Variants in LAMA2 observed in about 807,000 individuals in gnomAD.
LAMA2 encodes the protein laminin subunit alpha-2.
In LAMA2, 269 loss-of-function variants were observed where a neutral mutation model predicts 364.8. The observed-to-expected ratio is 0.74, with a 90% CI of 0.67 to 0.82. LAMA2 has a LOEUF of 0.82. Among genes scored for constraint, LAMA2 ranks in the 40% least tolerant of loss-of-function variants. LAMA2 has a pLI of 0.00. For synonymous variants in LAMA2, 1,379 were observed against 1,370.6 expected, an observed-to-expected ratio of 1.01 and a Z score of -0.14; for missense variants, 3,807 against 3,873.2, an observed-to-expected ratio of 0.98 and a Z score of 0.45.
chr6:129,415,673 C>T (rs1780748341), intron 40 of LAMA2, among the ~76,000 whole-genome samples: 1 of 151,816 alleles, frequency 6.6e-6, no homozygotes. Flanking sequence ...TGGCGAAACC[C>T]CATCTCTACT....
chr6:128,954,993 A>T, intron 1 of LAMA2, among the ~76,000 whole-genome samples: 1 of 150,144 alleles, frequency 6.7e-6, no homozygotes, highest in East Asian at 1.9e-4. Context: ...AAAAAAAAAA[A>T]TAATAAGAAT....
chr6:129,014,219 T>A (rs2114701449), intron 1 of LAMA2, among the ~76,000 whole-genome samples: 1 of 152,316 alleles, frequency 6.6e-6, no homozygotes, highest in South Asian at 2.1e-4. Flanking sequence ...ACTATTGATT[T>A]AATATTTGGA....
At chr6:128,996,334 G>A (rs2114670949) in intron 1 of LAMA2, among the ~76,000 whole-genome samples, 2 of 152,218 alleles carry the variant, frequency 1.3e-5, no homozygotes, top group African/African-American at 4.8e-5. Flanking sequence ...TATCATCAGA[G>A]TAACAGGCAA....
At chr6:129,311,101 A>G (rs971389052) in intron 22 of LAMA2, among the ~76,000 whole-genome samples, 2 of 152,060 alleles carry the variant, frequency 1.3e-5, no homozygotes, top group African/African-American at 4.8e-5. Flanking sequence ...CCCGTGCTAA[A>G]TAATACAAAA....
Position 129,460,262 on chromosome 6 carries a change from C to A in LAMA2, c.6930C>A (p.Asn2310Lys). ...GCATGGGAGAAACATACTTTGACAA[C>A]AAACCTATAGGTTTGTGGAATTTCC... Reference protein sequence around the residue: ...TGCMGETYFDNKPIGLWNFRE... With the variant: ...TGCMGETYFDKKPIGLWNFRE... Residue 2310 changes from asparagine (N) to lysine (K), a missense_variant, in exon 49 of 65, where the codon AAC (asparagine) becomes AAA (lysine). Around this residue, in one of 3 missense-constraint regions of LAMA2, gnomAD observed 3,333 missense variants for 3,345.7 expected, o/e 1.00. Transcript: ENST00000421865. The A allele has an allele frequency of 6.2e-7, 1 of 1,612,016 alleles. No individual in the cohort carries two copies. Among genetic ancestry groups the A allele is most frequent in the Non-Finnish European group, 8.5e-7 (1 of 1,178,462 alleles).
At chr6:129,156,557 G>A (rs1779128224) in intron 8 of LAMA2, among the ~76,000 whole-genome samples, 2 of 149,524 alleles carry the variant, frequency 1.3e-5, no homozygotes, top group Admixed American at 6.7e-5. Context: ...CCTTTTAAAA[G>A]TTACTGAGAA....
At chr6:129,175,055 A>C (rs941410896) in intron 9 of LAMA2, among the ~76,000 whole-genome samples, 3 of 152,234 alleles carry the variant, frequency 2.0e-5, no homozygotes, top group African/African-American at 7.2e-5. Context: ...TGCCTTTGCA[A>C]ACTTTATTAA....
chr6:129,202,160 C>T (rs1048028268), intron 12 of LAMA2, among the ~76,000 whole-genome samples: 12 of 137,978 alleles, frequency 8.7e-5, no homozygotes, highest in African/African-American at 1.1e-4. Flanking sequence ...TGCACTCCAG[C>T]CTAAGCAACA....
At chr6:129,148,916 A>T in intron 6 of LAMA2, 63 bp from the exon 7 acceptor site, 1 of 1,032,936 alleles carries the variant, frequency 9.7e-7, no homozygotes, top group Non-Finnish European at 1.5e-6. Context: ...ACCTTTAGAG[A>T]GAGGCTTCCT....
At chr6:129,210,910 G>A (rs1402714050) in intron 12 of LAMA2, among the ~76,000 whole-genome samples, 1 of 152,012 alleles carries the variant, frequency 6.6e-6, no homozygotes, top group African/African-American at 2.4e-5. Context: ...CAGAAGGTAG[G>A]GCTGGTGCTT....
chr6:129,208,624 A>G (rs1782855619), intron 12 of LAMA2, among the ~76,000 whole-genome samples: 1 of 144,770 alleles, frequency 6.9e-6, no homozygotes, highest in South Asian at 2.2e-4. Flanking sequence ...TGGAAGAAAG[A>G]AAGAAAGAAG....
At chr6:129,017,294 G>T (rs1785140100) in intron 1 of LAMA2, among the ~76,000 whole-genome samples, 1 of 151,734 alleles carries the variant, frequency 6.6e-6, no homozygotes, top group South Asian at 2.1e-4. Context: ...ATTTTTGTGA[G>T]GCACTATAGT....
Position 129,190,235 on chromosome 6 carries a change from T to G in LAMA2, c.1498T>G (p.Cys500Gly). The part of the protein sequence containing the change: ...ENVEGGDCSR[C>G]KSGFFNLQED... ...TGTTGAAGGAGGAGACTGTAGTCGT[T>G]GCAAATCCGGCTTCTTCAATTTGCA... The change falls in exon 11 of 65, where the codon TGC becomes GGC. Residue 500 changes from cysteine to glycine, a missense_variant. Physicochemically the swap from Cys to Gly is radical, Grantham distance 159. Around this residue, in one of 3 missense-constraint regions of LAMA2, gnomAD observed 3,333 missense variants for 3,345.7 expected, o/e 1.00. Coordinates refer to ENST00000421865, the MANE Select transcript of LAMA2 (RefSeq NM_000426.4). The G allele has an allele frequency of 6.2e-7, 1 of 1,613,720 alleles. No individual in the cohort carries two copies. The highest frequency in any genetic ancestry group is 8.5e-7 in the Non-Finnish European group (1 of 1,179,616).
At position 129,270,749 on chromosome 6, in the gene LAMA2, T is replaced by C. The variant is rs1443449052; in HGVS notation, c.2448T>C (p.Asn816=). Residue 816 remains asparagine, a splice_region_variant and synonymous_variant, in exon 17 of 65, where the codon AAT becomes AAC. Coordinates refer to ENST00000421865, the MANE Select transcript of LAMA2 (RefSeq NM_000426.4). The part of the protein sequence containing the change: ...PCACPLNIPS[N]NFSPTCHLDR... Reference sequence around the variant, plus strand: ...CCTGTCCACTCAATATCCCATCCAATAAGTAAGTAACAAACTTACCCCATG... The same window carrying C: ...CCTGTCCACTCAATATCCCATCCAACAAGTAAGTAACAAACTTACCCCATG... 1 of 1,613,100 alleles carries C rather than the reference T, an allele frequency of 6.2e-7. No individual in the cohort carries two copies. The highest frequency in any genetic ancestry group is 8.5e-7 in the Non-Finnish European group (1 of 1,179,400).
At chr6:129,447,622 G>A (rs1049219382) in intron 45 of LAMA2, among the ~76,000 whole-genome samples, 2 of 152,198 alleles carry the variant, frequency 1.3e-5, no homozygotes, top group Non-Finnish European at 2.9e-5. Flanking sequence ...GTTAGGATAA[G>A]CTGAAAGCTT....
chr6:129,452,322 G>T (rs1782718318), intron 45 of LAMA2, among the ~76,000 whole-genome samples: 1 of 152,058 alleles, frequency 6.6e-6, no homozygotes, highest in Non-Finnish European at 1.5e-5. Context: ...AATTTTTAAG[G>T]TATTATTCAA....
At chr6:129,455,024 A>G (rs773972059) in intron 47 of LAMA2, among the ~76,000 whole-genome samples, 7 of 152,166 alleles carry the variant, frequency 4.6e-5, no homozygotes, top group Admixed American at 2.6e-4. Flanking sequence ...TGGGTGATAC[A>G]TAGAGTTTCA....
At chr6:128,926,678 T>C (rs1289319141) in intron 1 of LAMA2, among the ~76,000 whole-genome samples, 1 of 152,228 alleles carries the variant, frequency 6.6e-6, no homozygotes, top group South Asian at 2.1e-4. Context: ...ATATTTGTGC[T>C]CCTTTTTAAT....
intron 3 of LAMA2, among the ~76,000 whole-genome samples, chr6:129,082,958 C>T (rs1774155005): frequency 6.6e-6 from 1 of 151,932 alleles, no homozygotes; most frequent in Non-Finnish European, 1.5e-5. Flanking sequence ...ACAAGCATAG[C>T]TATATTTACA....
Sources: gnomAD v4.1 joint callset for allele counts (sites outside exome capture counted in the v4.1 genomes callset) on GRCh38, gnomAD v4.1.1 for gene constraint, gnomAD v4.1.1 regional missense constraint, MANE v1.5 for transcripts, NCBI Gene and HGNC (gene_info 2026-07-23, HGNC 2026-07-21) for gene names.